ADGRL3: variants seen among roughly 807,000 people sequenced by gnomAD.
ADGRL3 encodes adhesion G protein-coupled receptor L3, also known as calcium-independent alpha-latrotoxin receptor 3.
A neutral mutation model predicts 153.5 loss-of-function variants in ADGRL3; 62 were observed. The observed-to-expected ratio is 0.40, with a 90% confidence interval of 0.33 to 0.50. The LOEUF is 0.50. Among genes scored for constraint, ADGRL3 ranks in the 20% least tolerant of loss-of-function variants. The pLI is 0.47. For missense variants in ADGRL3, 1,641 were observed against 1,859.4 expected, an observed-to-expected ratio of 0.88 and a Z score of 2.16; for synonymous variants, 710 against 672.5, an observed-to-expected ratio of 1.06 and a Z score of -0.86.
intron 1 of ADGRL3, among the ~76,000 whole-genome samples, chr4:61,242,646 A>G (rs1484063114): frequency 6.6e-6 from 1 of 152,012 alleles, no homozygotes; most frequent in East Asian, 1.9e-4. Context: ...TTTTATGAAC[A>G]TTAGAATTAG....
chr4:61,607,914 C>T (rs1013643349), intron 5 of ADGRL3, among the ~76,000 whole-genome samples: 3 of 152,166 alleles, frequency 2.0e-5, no homozygotes, highest in Non-Finnish European at 4.4e-5. Flanking sequence ...GGCCCATGCT[C>T]TTTTCTAAGA....
At chr4:61,680,118 T>C (rs927042837) in intron 6 of ADGRL3, among the ~76,000 whole-genome samples, 18 of 152,024 alleles carry the variant, frequency 1.2e-4, no homozygotes, top group African/African-American at 4.3e-4. Flanking sequence ...TTACCTGTAT[T>C]AGAGAAAATC....
At chr4:61,327,006 T>G (rs2095478922) in intron 1 of ADGRL3, among the ~76,000 whole-genome samples, 1 of 152,020 alleles carries the variant, frequency 6.6e-6, no homozygotes, top group Non-Finnish European at 1.5e-5. Flanking sequence ...ACCTAGGTGC[T>G]TGTATAGTGT....
At chr4:61,908,381 A>G (rs555669313) in intron 11 of ADGRL3, among the ~76,000 whole-genome samples, 25 of 152,192 alleles carry the variant, frequency 1.6e-4, no homozygotes, top group African/African-American at 5.8e-4. Context: ...TAGATTGCCT[A>G]AGGTCAGGAG....
chr4:61,253,881 G>T (rs2091712056), intron 1 of ADGRL3, among the ~76,000 whole-genome samples: 1 of 152,138 alleles, frequency 6.6e-6, no homozygotes, highest in Admixed American at 6.5e-5. Context: ...TGTGAGAGTT[G>T]CACCAGATGA....
At chr4:61,466,435 A>T (rs1308818036) in intron 2 of ADGRL3, among the ~76,000 whole-genome samples, 1 of 152,342 alleles carries the variant, frequency 6.6e-6, no homozygotes, top group African/African-American at 2.4e-5. Context: ...TAAAATGTTC[A>T]TTCTATAATT....
At chr4:61,385,627 T>C (rs978325706) in intron 2 of ADGRL3, 1 of 152,196 alleles carries the variant, frequency 6.6e-6, no homozygotes, top group Admixed American at 6.5e-5. Context: ...TGCACAATAG[T>C]ATCTGCAGTA....
intron 5 of ADGRL3, among the ~76,000 whole-genome samples, chr4:61,605,126 A>G (rs2099027407): frequency 2.0e-5 from 3 of 150,842 alleles, no homozygotes; most frequent in Admixed American, 2.0e-4. Context: ...AGAAGGAAAA[A>G]AAAAACTAAA....
chr4:61,672,806 G>GC (rs1454756609), intron 5 of ADGRL3, among the ~76,000 whole-genome samples: 1 of 151,996 alleles, frequency 6.6e-6, no homozygotes, highest in Non-Finnish European at 1.5e-5. Context: ...ATATGTTCCA[G>GC]TAGTCTTACT....
At chr4:62,038,666 A>G (rs1341296087) in intron 24 of ADGRL3, among the ~76,000 whole-genome samples, 2 of 152,124 alleles carry the variant, frequency 1.3e-5, no homozygotes, top group African/African-American at 2.4e-5. Context: ...CAGTGGTACA[A>G]TCTCAGCTCA....
At chr4:61,972,652 G>T (rs559667695) in intron 17 of ADGRL3, among the ~76,000 whole-genome samples, 2 of 152,028 alleles carry the variant, frequency 1.3e-5, no homozygotes, top group African/African-American at 2.4e-5. Context: ...CTCTTTTTTG[G>T]TTCCATATGA....
At chr4:61,689,964 G>A (rs1561067951) in intron 6 of ADGRL3, among the ~76,000 whole-genome samples, 1 of 152,082 alleles carries the variant, frequency 6.6e-6, no homozygotes, top group Non-Finnish European at 1.5e-5. Flanking sequence ...TGTAAAATTT[G>A]CTTTTATGTT....
chr4:61,705,647 A>G (rs1460181321), intron 6 of ADGRL3, among the ~76,000 whole-genome samples: 1 of 151,834 alleles, frequency 6.6e-6, no homozygotes, highest in Non-Finnish European at 1.5e-5. Context: ...ACAGGCATGC[A>G]CCACCATGCC....
Position 62,077,616 on chromosome 4 carries a change from A to G in ADGRL3, c.*6708A>G, listed in dbSNP as rs1322564203. The stretch of plus-strand genomic sequence containing the variant: ...ACTCAGGATACAGTGACTAGGACAG[A>G]GTGCATTCTTAGGCTAATTAGTGCC... On this transcript the variant is annotated 3_prime_UTR_variant, in exon 27 of 27. Coordinates refer to ENST00000683033, the MANE Select transcript of ADGRL3 (RefSeq NM_001387552.1). 6.6e-6 allele frequency: 1 copy of G among 151,908 alleles called. No homozygotes were observed. The highest frequency in any genetic ancestry group is 2.4e-5 in the African/African-American group (1 of 41,410). 9.4% of individuals were successfully genotyped at this position (151,908 alleles called of 1,614,324 possible). A position where few individuals can be genotyped will look rare whatever the true frequency, so the allele number is the denominator to read the frequency against.
Position 61,808,801 on chromosome 4 carries a change from T to G in ADGRL3, c.1400-5008T>G, listed in dbSNP as rs2097578097. 4.6e-5 allele frequency among the ~76,000 whole-genome samples: 7 copies of G among 152,030 alleles called. No individual in the cohort carries two copies. The South Asian group carries it at 1.5e-3, about 32-fold the overall frequency. Reference sequence around the variant, plus strand: ...CCAACAAGAAATCGGGCTTTTTTTTTTTTTTTAAGGATCAGAGCTACTTTC... The same window carrying G: ...CCAACAAGAAATCGGGCTTTTTTTTGTTTTTTAAGGATCAGAGCTACTTTC... On this transcript the variant is annotated intron_variant, in intron 8 of 26. Coordinates refer to ENST00000683033, the MANE Select transcript of ADGRL3 (RefSeq NM_001387552.1).
intron 2 of ADGRL3, among the ~76,000 whole-genome samples, chr4:61,409,380 A>ATT (rs2097054833): frequency 8.0e-6 from 1 of 124,524 alleles, no homozygotes; most frequent in Admixed American, 1.0e-4. Context: ...TAAGACATAT[A>ATT]TTATATATAT....
chr4:61,531,822 T>C (rs753206196), intron 4 of ADGRL3, among the ~76,000 whole-genome samples: 8 of 152,090 alleles, frequency 5.3e-5, no homozygotes, highest in Non-Finnish European at 1.2e-4. Context: ...TTAGTAATTA[T>C]TGAGAAAAGC....
At chr4:61,831,668 T>C (rs973052812) in intron 9 of ADGRL3, among the ~76,000 whole-genome samples, 2 of 152,102 alleles carry the variant, frequency 1.3e-5, no homozygotes, top group Non-Finnish European at 2.9e-5. Context: ...CATAAATGGC[T>C]GGAAAGTTCA....
intron 1 of ADGRL3, among the ~76,000 whole-genome samples, chr4:61,379,204 A>G (rs1045023911): frequency 3.9e-5 from 6 of 151,958 alleles, no homozygotes; most frequent in African/African-American, 1.4e-4. Context: ...GGTAGTTGGA[A>G]AAAGGATTTG....
Sources: gnomAD v4.1 joint callset for allele counts (sites outside exome capture counted in the v4.1 genomes callset) on GRCh38, gnomAD v4.1.1 for gene constraint, MANE v1.5 for transcripts, NCBI Gene and HGNC (gene_info 2026-07-23, HGNC 2026-07-21) for gene names.